KCNK13: variants seen among roughly 807,000 people sequenced by gnomAD.
The protein encoded by KCNK13 is potassium two pore domain channel subfamily K member 13.
KCNK13 carries 12 observed loss-of-function variants against 23.4 expected under a neutral mutation model. That is an observed-to-expected ratio of 0.51 (90% CI 0.33 to 0.83). The LOEUF is 0.83. KCNK13 is among the 40% of genes least tolerant of loss of function. The probability of loss-of-function intolerance (pLI) is 0.02; values close to 1 mark genes in which losing one functional copy is unlikely to be tolerated. For missense variants in KCNK13, 463 were observed against 556.3 expected, an observed-to-expected ratio of 0.83 and a Z score of 1.69; for synonymous variants, 231 against 229.5, an observed-to-expected ratio of 1.01 and a Z score of -0.06.
intron 1 of KCNK13, among the ~76,000 whole-genome samples, chr14:90,162,154 G>C (rs1263245476): frequency 6.6e-6 from 1 of 152,078 alleles, no homozygotes; most frequent in Non-Finnish European, 1.5e-5. Context: ...ACTCCACCCT[G>C]GGCAACAGAG....
chr14:90,160,617 T>C (rs4900025), intron 1 of KCNK13, among the ~76,000 whole-genome samples: 36,956 of 151,806 alleles, frequency 0.24, 5,671 homozygotes, highest in East Asian at 0.65. Context: ...CCAAGGCGGG[T>C]GGATCACCTG....
chr14:90,183,753 G>C lies in KCNK13; in HGVS notation c.335-358G>C, dbSNP rs1039381770. Among the ~76,000 whole-genome samples the C allele has an allele frequency of 2.0e-5, 3 of 152,282 alleles. No individual in the cohort carries two copies. The South Asian group carries it at 6.2e-4, about 32-fold the overall frequency. On this transcript the variant is annotated intron_variant, in intron 1 of 1. Transcript: ENST00000282146. ...TCTCTAAACATGATCTGTTGAGTAT[G>C]GTTGTTCAGGTTGTGGACTGTACAA...
intron 1 of KCNK13, among the ~76,000 whole-genome samples, chr14:90,090,601 C>G (rs1359851479): frequency 6.6e-6 from 1 of 152,120 alleles, no homozygotes; most frequent in Non-Finnish European, 1.5e-5. Context: ...AATGTGAGGA[C>G]ATGATATTTG....
At chr14:90,116,892 C>T (rs1007414603) in intron 1 of KCNK13, among the ~76,000 whole-genome samples, 5 of 152,218 alleles carry the variant, frequency 3.3e-5, no homozygotes, top group Admixed American at 3.3e-4. Context: ...ACAGTAATTC[C>T]TCCCTTATAT....
intron 1 of KCNK13, among the ~76,000 whole-genome samples, chr14:90,096,952 A>G (rs1361909199): frequency 6.6e-6 from 1 of 152,096 alleles, no homozygotes; most frequent in Admixed American, 6.5e-5. Flanking sequence ...TTGGCCAAAT[A>G]TGGGGGTCAG....
rs139208891 is a variant in KCNK13 at position 90,110,934 on chromosome 14, G to A, written c.334+48395G>A. On this transcript the variant is annotated intron_variant, in intron 1 of 1. Transcript: ENST00000282146. The stretch of plus-strand genomic sequence containing the variant: ...TGAGGCAGGAGAATTGCTTGAACTC[G>A]GGAGGCAGAGTTTGCAGTGAGCTGA... Among the ~76,000 whole-genome samples the A allele has an allele frequency of 5.0e-4, 76 of 151,832 alleles. No homozygotes were observed. In the East Asian group the frequency reaches 0.013, roughly 26 times the overall value.
At chr14:90,160,696 A>AGCCGGGCATGGTGGCAGGCACCTGT (rs1243841790) in intron 1 of KCNK13, among the ~76,000 whole-genome samples, 1 of 152,104 alleles carries the variant, frequency 6.6e-6, no homozygotes, top group East Asian at 1.9e-4. Context: ...TACAAAAATT[A>AGCCGGGCATGGTGGCAGGCACCTGT]GCCGGGCATG....
chr14:90,124,594 G>A lies in KCNK13; in HGVS notation c.335-59517G>A, dbSNP rs568528583. On this transcript the variant is annotated intron_variant, in intron 1 of 1. Coordinates refer to ENST00000282146, the MANE Select transcript of KCNK13 (RefSeq NM_022054.4). ...TTCAGCTGATAGCCCACAAGGAAACGGGGACCTCGGTCCTGCAACCACAAG... is the reference window on the plus strand; with the variant it reads ...TTCAGCTGATAGCCCACAAGGAAACAGGGACCTCGGTCCTGCAACCACAAG... 5.3e-4 allele frequency among the ~76,000 whole-genome samples: 81 copies of A among 152,314 alleles called. 2 individuals carry two copies. Among genetic ancestry groups the A allele is most frequent in the African/African-American group, 1.9e-3 (78 of 41,564 alleles).
intron 1 of KCNK13, among the ~76,000 whole-genome samples, chr14:90,078,869 G>A (rs575063407): frequency 6.6e-6 from 1 of 152,186 alleles, no homozygotes; most frequent in Non-Finnish European, 1.5e-5. Flanking sequence ...AGAAAGTCAG[G>A]CTCAAAAAGA....
intron 1 of KCNK13, among the ~76,000 whole-genome samples, chr14:90,070,241 A>G (rs1889057771): frequency 6.6e-6 from 1 of 152,236 alleles, no homozygotes; most frequent in African/African-American, 2.4e-5. Context: ...TGTATTTTGT[A>G]TCTCATTGCT....
chr14:90,069,607 A>C (rs920406440), intron 1 of KCNK13, among the ~76,000 whole-genome samples: 13 of 152,200 alleles, frequency 8.5e-5, no homozygotes, highest in Non-Finnish European at 1.8e-4. Flanking sequence ...AAACAATAAA[A>C]TATTGAAAGT....
chr14:90,145,772 C>G (rs1468692441), intron 1 of KCNK13, among the ~76,000 whole-genome samples: 1 of 151,940 alleles, frequency 6.6e-6, no homozygotes, highest in Non-Finnish European at 1.5e-5. Flanking sequence ...GAGGCCAAAG[C>G]TGGAGGACTG....
At chr14:90,076,848 T>C (rs1354287569) in intron 1 of KCNK13, among the ~76,000 whole-genome samples, 1 of 152,120 alleles carries the variant, frequency 6.6e-6, no homozygotes, top group African/African-American at 2.4e-5. Flanking sequence ...AGAGACAGAG[T>C]CTGGCTCTGT....
At chr14:90,178,231 CAAAA>C (rs34726346) in intron 1 of KCNK13, among the ~76,000 whole-genome samples, 1,970 of 75,138 alleles carry the variant, frequency 0.026, 18 homozygotes, top group African/African-American at 0.082. Flanking sequence ...TTCCTAAAAG[CAAAA>C]AAAAAAAAAA....
At chr14:90,092,366 T>G (rs1346052715) in intron 1 of KCNK13, among the ~76,000 whole-genome samples, 1 of 152,234 alleles carries the variant, frequency 6.6e-6, no homozygotes, top group Non-Finnish European at 1.5e-5. Flanking sequence ...GGTTTTTCTT[T>G]CTAATAATTG....
intron 1 of KCNK13, among the ~76,000 whole-genome samples, chr14:90,179,930 C>A (rs546273203): frequency 1.3e-5 from 2 of 152,168 alleles, no homozygotes; most frequent in Admixed American, 1.3e-4. Context: ...CCCTGCCCCC[C>A]CTCTCCGGTT....
intron 1 of KCNK13, among the ~76,000 whole-genome samples, chr14:90,121,117 A>T (rs1952671501): frequency 6.6e-6 from 1 of 152,178 alleles, no homozygotes; most frequent in Admixed American, 6.6e-5. Flanking sequence ...AGGGTGAGGG[A>T]GGCAACCAGC....
chr14:90,065,345 C>T (rs181198682), intron 1 of KCNK13, among the ~76,000 whole-genome samples: 6 of 152,232 alleles, frequency 3.9e-5, no homozygotes, highest in African/African-American at 9.6e-5. Context: ...AACAGAAATA[C>T]GGGATGCAAG....
At chr14:90,103,534 A>G (rs1449153050) in intron 1 of KCNK13, among the ~76,000 whole-genome samples, 2 of 151,834 alleles carry the variant, frequency 1.3e-5, no homozygotes, top group African/African-American at 4.8e-5. Context: ...CACACATAAA[A>G]CTAGGGCATC....
Sources: allele counts gnomAD v4.1 joint callset (sites outside exome capture counted in the v4.1 genomes callset), GRCh38; gene constraint gnomAD v4.1.1; transcripts MANE v1.5; gene names NCBI Gene and HGNC (gene_info 2026-07-23, HGNC 2026-07-21).